ZNRF1: variants seen among roughly 807,000 people sequenced by gnomAD.
ZNRF1 encodes the protein zinc and ring finger 1.
A neutral mutation model predicts 18.4 loss-of-function variants in ZNRF1; 3 were observed. The ratio of observed to expected loss-of-function variants is 0.16; its 90% CI spans 0.07 to 0.42. The LOEUF (loss-of-function observed/expected upper bound fraction) is 0.42. ZNRF1 is among the 10% of genes least tolerant of loss of function. The probability of loss-of-function intolerance (pLI) is 0.99; values close to 1 mark genes in which losing one functional copy is unlikely to be tolerated. For missense variants in ZNRF1, 310 were observed against 329.8 expected (o/e 0.94, Z 0.47); for synonymous variants, 157 against 144.2 (o/e 1.09, Z -0.64).
chr16:75,080,772 G>A (rs2036000539), intron 1 of ZNRF1, among the ~76,000 whole-genome samples: 2 of 152,194 alleles, frequency 1.3e-5, no homozygotes, highest in South Asian at 4.1e-4. Context: ...TACTTGAGGG[G>A]CTGAGGTAGG....
In ZNRF1 at chr16:75,087,580, AGTGGAGGGATCCT is replaced by A. The variant is rs559241155; in HGVS notation, c.425-5989_425-5977del. On this transcript the variant is annotated intron_variant, in intron 1 of 4. Coordinates refer to ENST00000335325, the MANE Select transcript of ZNRF1 (RefSeq NM_032268.5). ...ACTCTCTTGGCTTCTCTTGATTGGA[AGTGGAGGGATCCT>A]GTAGGCGCATTTGCTTGGCAGAACC... Among the ~76,000 whole-genome samples, 20 of 152,338 alleles carry A rather than the reference AGTGGAGGGATCCT, an allele frequency of 1.3e-4. 2 individuals are homozygous for A. The highest frequency in any genetic ancestry group is 1.0e-3 in the South Asian group (5 of 4,828).
chr16:75,082,484 T>C (rs1365472736), intron 1 of ZNRF1, among the ~76,000 whole-genome samples: 1 of 152,224 alleles, frequency 6.6e-6, no homozygotes, highest in Non-Finnish European at 1.5e-5. Context: ...ATGCACACAG[T>C]GTGCAGTCCT....
chr16:75,017,957 G>C (rs1347662429), intron 1 of ZNRF1, among the ~76,000 whole-genome samples: 1 of 152,168 alleles, frequency 6.6e-6, no homozygotes, highest in African/African-American at 2.4e-5. Context: ...GTGAATCCCA[G>C]TGTTGCTAAT....
intron 1 of ZNRF1, among the ~76,000 whole-genome samples, chr16:75,073,007 C>G (rs1232938582): frequency 6.6e-6 from 1 of 152,094 alleles, no homozygotes; most frequent in Non-Finnish European, 1.5e-5. Context: ...ATTGAGGGGC[C>G]AGGCAGGTAC....
At chr16:75,102,112 T>C (rs1224927520) in intron 2 of ZNRF1, among the ~76,000 whole-genome samples, 2 of 152,234 alleles carry the variant, frequency 1.3e-5, no homozygotes, top group South Asian at 2.1e-4. Flanking sequence ...TTCCATTTTA[T>C]GCTTTTTCCT....
chr16:75,060,057 C>G (rs2035722537), intron 1 of ZNRF1, among the ~76,000 whole-genome samples: 2 of 151,878 alleles, frequency 1.3e-5, no homozygotes, highest in African/African-American at 4.8e-5. Flanking sequence ...TGACAGTTTT[C>G]TTTTCTTTTT....
At chr16:75,010,711 G>GTTTTTT (rs67210395) in intron 1 of ZNRF1, among the ~76,000 whole-genome samples, 2,456 of 73,984 alleles carry the variant, frequency 0.033, 200 homozygotes, top group Non-Finnish European at 0.047. Flanking sequence ...GTTTTTTTTT[G>GTTTTTT]TTTTTTTGTT....
intron 2 of ZNRF1, among the ~76,000 whole-genome samples, chr16:75,098,482 T>A (rs1310408448): frequency 6.6e-6 from 1 of 152,222 alleles, no homozygotes; most frequent in East Asian, 1.9e-4. Flanking sequence ...CTACACTCTC[T>A]GCTCAAGGTC....
At position 74,999,718 on chromosome 16, in the gene ZNRF1, C is replaced by G. The variant is rs1194160414; in HGVS notation, c.47C>G (p.Pro16Arg). The G allele has an allele frequency of 3.6e-6, 5 of 1,370,952 alleles. No individual in the cohort carries two copies. Among genetic ancestry groups the G allele is most frequent in the African/African-American group, 1.5e-5 (1 of 64,880 alleles). The allele number at this position is 1,370,952 out of a possible 1,614,324, so 84.9% of individuals were successfully genotyped here. The change falls in exon 1 of 5, where the codon CCG becomes CGG. Residue 16 changes from proline to arginine, a missense_variant. Physicochemically the swap from Pro to Arg is moderately radical, Grantham distance 103. Around this residue, in one of 2 missense-constraint regions of ZNRF1, gnomAD observed 293 missense variants for 291.2 expected, o/e 1.01. Transcript: ENST00000335325. ...GCGGCCCGCTCCCGGGGCCCCTTCCCGGGGGTCTCCACCGATGACAGCGCC... is the reference window on the plus strand; with the variant it reads ...GCGGCCCGCTCCCGGGGCCCCTTCCGGGGGGTCTCCACCGATGACAGCGCC... ...STAARSRGPFPGVSTDDSAVP... is the reference protein window; with the variant it reads ...STAARSRGPFRGVSTDDSAVP...
intron 1 of ZNRF1, among the ~76,000 whole-genome samples, chr16:75,083,572 G>GCA (rs2145413321): frequency 6.6e-6 from 1 of 152,280 alleles, no homozygotes; most frequent in Non-Finnish European, 1.5e-5. Flanking sequence ...AAGTGGCTAG[G>GCA]CACAGTATTA....
At chr16:75,014,836 T>G (rs1478523646) in intron 1 of ZNRF1, among the ~76,000 whole-genome samples, 1 of 152,202 alleles carries the variant, frequency 6.6e-6, no homozygotes, top group East Asian at 1.9e-4. Context: ...CAAGCTCTAG[T>G]GGGTATAAAT....
At chr16:75,038,036 C>T (rs1488274693) in intron 1 of ZNRF1, among the ~76,000 whole-genome samples, 1 of 152,174 alleles carries the variant, frequency 6.6e-6, no homozygotes, top group Admixed American at 6.6e-5. Context: ...TATATGTTGA[C>T]TATGATTGCA....
intron 1 of ZNRF1, among the ~76,000 whole-genome samples, chr16:75,035,134 C>CA (rs1298368632): frequency 1.7e-4 from 25 of 149,448 alleles, no homozygotes; most frequent in African/African-American, 5.9e-4. Context: ...CCCCCCTCCC[C>CA]AGGTTCGAGC....
intron 1 of ZNRF1, among the ~76,000 whole-genome samples, chr16:75,035,446 G>A (rs1015978932): frequency 8.5e-5 from 13 of 152,264 alleles, no homozygotes; most frequent in African/African-American, 2.6e-4. Context: ...GTTGCCACCC[G>A]CAAATCCGAA....
chr16:75,028,418 C>G (rs1305344682), intron 1 of ZNRF1, among the ~76,000 whole-genome samples: 1 of 152,178 alleles, frequency 6.6e-6, no homozygotes, highest in Non-Finnish European at 1.5e-5. Context: ...CTCAGCCTCC[C>G]AAGTAGCTGG....
chr16:75,038,023 T>C (rs1269749095), intron 1 of ZNRF1, among the ~76,000 whole-genome samples: 2 of 152,224 alleles, frequency 1.3e-5, no homozygotes, highest in Admixed American at 6.5e-5. Context: ...GTGACCAAGT[T>C]CATATATGTT....
At chr16:75,027,990 A>G (rs2035249315) in intron 1 of ZNRF1, among the ~76,000 whole-genome samples, 1 of 152,134 alleles carries the variant, frequency 6.6e-6, no homozygotes, top group Non-Finnish European at 1.5e-5. Flanking sequence ...TCGCCACCGT[A>G]TCCACCCACG....
intron 1 of ZNRF1, among the ~76,000 whole-genome samples, chr16:75,089,914 T>G (rs1164161099): frequency 1.3e-5 from 2 of 152,212 alleles, no homozygotes; most frequent in Non-Finnish European, 2.9e-5. Flanking sequence ...TAACCTTGAA[T>G]CTGTTCTGAG....
intron 1 of ZNRF1, among the ~76,000 whole-genome samples, chr16:75,066,432 A>G (rs1033898722): frequency 6.6e-6 from 1 of 152,218 alleles, no homozygotes. Context: ...AACATTCTCA[A>G]TAAAATATTG....
Sources: allele counts gnomAD v4.1 joint callset (sites outside exome capture counted in the v4.1 genomes callset), GRCh38; gene constraint gnomAD v4.1.1; regional missense constraint gnomAD v4.1.1; transcripts MANE v1.5; gene names NCBI Gene and HGNC (gene_info 2026-07-23, HGNC 2026-07-21).